Variants in BBX observed in about 807,000 individuals in gnomAD.
BBX encodes BBX high mobility group box domain containing, also known as HMG box transcription factor BBX.
BBX carries 30 observed loss-of-function variants against 100.2 expected under a neutral mutation model. The ratio of observed to expected loss-of-function variants is 0.30; its 90% CI spans 0.22 to 0.41. BBX has a LOEUF of 0.41. Ranked by LOEUF, BBX falls within the 10% of genes least tolerant of loss-of-function variation. The pLI is 1.00. For missense variants in BBX, 1,023 were observed against 1,129.8 expected, an observed-to-expected ratio of 0.91 and a Z score of 1.35; for synonymous variants, 376 against 388.1, an observed-to-expected ratio of 0.97 and a Z score of 0.37.
At chr3:107,796,625 T>G (rs1254234502) in intron 15 of BBX, among the ~76,000 whole-genome samples, 1 of 152,226 alleles carries the variant, frequency 6.6e-6, no homozygotes, top group Non-Finnish European at 1.5e-5. Context: ...AAGGAGGCTT[T>G]GAATTTTAAG....
intron 13 of BBX, among the ~76,000 whole-genome samples, chr3:107,784,945 A>G (rs2068262280): frequency 6.6e-6 from 1 of 151,784 alleles, no homozygotes; most frequent in Admixed American, 6.6e-5. Flanking sequence ...AAAAGAGAAG[A>G]CTCAAATTAT....
chr3:107,747,892 A>C (rs2064757199), intron 8 of BBX, 73 bp from the exon 9 acceptor site: 1 of 1,312,090 alleles, frequency 7.6e-7, no homozygotes, highest in African/African-American at 1.5e-5. Flanking sequence ...ACAGTTGAAA[A>C]TATATGGCAG....
At chr3:107,538,185 C>T (rs997353749) in intron 2 of BBX, among the ~76,000 whole-genome samples, 17 of 152,144 alleles carry the variant, frequency 1.1e-4, no homozygotes, top group African/African-American at 4.1e-4. Flanking sequence ...TTCAGATTGT[C>T]ATAAGACTAG....
chr3:107,714,710 C>T (rs558392299), intron 4 of BBX, among the ~76,000 whole-genome samples: 7 of 152,064 alleles, frequency 4.6e-5, no homozygotes, highest in Admixed American at 2.6e-4. Flanking sequence ...ATGGCTATGA[C>T]CTCAAGATTT....
chr3:107,661,057 C>CTAA (rs1419964900), intron 3 of BBX, among the ~76,000 whole-genome samples: 6 of 152,106 alleles, frequency 3.9e-5, no homozygotes, highest in African/African-American at 1.4e-4. Context: ...TAAACTAATT[C>CTAA]TAGCCCTTTT....
At chr3:107,619,001 C>T (rs760152469) in intron 2 of BBX, among the ~76,000 whole-genome samples, 3 of 151,980 alleles carry the variant, frequency 2.0e-5, no homozygotes, top group Non-Finnish European at 4.4e-5. Flanking sequence ...GTGTTTCTTA[C>T]TATATTGTGG....
intron 2 of BBX, among the ~76,000 whole-genome samples, chr3:107,572,235 C>A (rs961189994): frequency 1.3e-5 from 2 of 152,138 alleles, no homozygotes; most frequent in Admixed American, 1.3e-4. Context: ...GAACTTTTCC[C>A]GTCTGCTATA....
chr3:107,655,511 ATTTT>A (rs35368803), intron 3 of BBX, among the ~76,000 whole-genome samples: 1 of 117,596 alleles, frequency 8.5e-6, no homozygotes, highest in African/African-American at 3.2e-5. Flanking sequence ...ATGATAATTA[ATTTT>A]TTTTTTTTTT....
At chr3:107,745,947 A>G (rs992079821) in intron 8 of BBX, among the ~76,000 whole-genome samples, 2 of 152,136 alleles carry the variant, frequency 1.3e-5, no homozygotes, top group African/African-American at 2.4e-5. Context: ...TAAGATCCAG[A>G]GAGATCCCTG....
chr3:107,563,685 GA>G (rs2050676439), intron 2 of BBX, among the ~76,000 whole-genome samples: 2 of 152,166 alleles, frequency 1.3e-5, no homozygotes, highest in Middle Eastern at 3.4e-3. Context: ...AGTAAAATAG[GA>G]AACATTTTTA....
chr3:107,624,535 T>C (rs2056028679), intron 2 of BBX, among the ~76,000 whole-genome samples: 1 of 152,182 alleles, frequency 6.6e-6, no homozygotes, highest in Non-Finnish European at 1.5e-5. Flanking sequence ...TATAACATAT[T>C]AATAGAATTA....
At chr3:107,615,348 C>G (rs1233782761) in intron 2 of BBX, among the ~76,000 whole-genome samples, 3 of 152,088 alleles carry the variant, frequency 2.0e-5, no homozygotes, top group African/African-American at 7.2e-5. Context: ...AACAAAATAC[C>G]ATACACTGGG....
chr3:107,581,623 G>A (rs1331252880), intron 2 of BBX, among the ~76,000 whole-genome samples: 1 of 151,860 alleles, frequency 6.6e-6, no homozygotes, highest in African/African-American at 2.4e-5. Context: ...CTGTGCTGTG[G>A]GCATCAGCTG....
At chr3:107,578,797 C>T (rs1330141895) in intron 2 of BBX, among the ~76,000 whole-genome samples, 1 of 152,052 alleles carries the variant, frequency 6.6e-6, no homozygotes, top group Non-Finnish European at 1.5e-5. Context: ...CTTCCTGCTC[C>T]CTGGGCCAAG....
At chr3:107,669,326 A>AG (rs1294399172) in intron 3 of BBX, among the ~76,000 whole-genome samples, 2 of 152,164 alleles carry the variant, frequency 1.3e-5, no homozygotes, top group African/African-American at 4.8e-5. Context: ...GTTTTAAATA[A>AG]GGGATCTCTG....
intron 3 of BBX, among the ~76,000 whole-genome samples, chr3:107,697,431 C>T (rs573089849): frequency 6.6e-6 from 1 of 151,964 alleles, no homozygotes; most frequent in Non-Finnish European, 1.5e-5. Flanking sequence ...GGACCCTCAG[C>T]TGCAGGTCTG....
At chr3:107,563,828 A>G (rs2050685896) in intron 2 of BBX, among the ~76,000 whole-genome samples, 1 of 152,192 alleles carries the variant, frequency 6.6e-6, no homozygotes, top group South Asian at 2.1e-4. Context: ...AACACTCAGC[A>G]AATGTTTGTG....
intron 3 of BBX, among the ~76,000 whole-genome samples, chr3:107,679,005 G>A (rs557091976): frequency 6.6e-6 from 1 of 152,144 alleles, no homozygotes; most frequent in East Asian, 1.9e-4. Flanking sequence ...TTATAGATGC[G>A]GGTTTACAAA....
intron 5 of BBX, among the ~76,000 whole-genome samples, chr3:107,718,618 A>C (rs757063862): frequency 6.6e-6 from 1 of 152,076 alleles, no homozygotes; most frequent in Non-Finnish European, 1.5e-5. Context: ...GATAACATGC[A>C]GCCTGTCCCC....
Sources: allele counts gnomAD v4.1 joint callset (sites outside exome capture counted in the v4.1 genomes callset), GRCh38; gene constraint gnomAD v4.1.1; transcripts MANE v1.5; gene names NCBI Gene and HGNC (gene_info 2026-07-23, HGNC 2026-07-21).